The following MARK3 variants were observed in gnomAD, a reference collection of about 807,000 sequenced individuals.
The protein encoded by MARK3 is MAP/microtubule affinity-regulating kinase 3.
In MARK3, 46 loss-of-function variants were observed where a neutral mutation model predicts 90.1. That is an observed-to-expected ratio of 0.51 (90% confidence interval 0.40 to 0.65). The LOEUF (loss-of-function observed/expected upper bound fraction) is 0.65. MARK3 is among the 30% of genes least tolerant of loss of function. MARK3 has a pLI of 0.00. For synonymous variants in MARK3, 321 were observed against 332.6 expected (o/e 0.97, Z 0.38); for missense variants, 818 against 947.2 (o/e 0.86, Z 1.79).
At chr14:103,405,434 T>C (rs1247183521) in intron 2 of MARK3, among the ~76,000 whole-genome samples, 167 bp downstream of exon 2, 2 of 152,120 alleles carry the variant, frequency 1.3e-5, no homozygotes, top group Non-Finnish European at 2.9e-5. Flanking sequence ...CACTGCAAAC[T>C]CTGCCTCCCG....
chr14:103,424,538 CAAAA>C (rs1195082997), intron 2 of MARK3, among the ~76,000 whole-genome samples: 7 of 11,310 alleles, frequency 6.2e-4, no homozygotes, highest in Non-Finnish European at 2.0e-3. Context: ...AAAAAAAAAA[CAAAA>C]AAAAGAATCT....
Position 103,485,328 on chromosome 14 carries a change from C to T in MARK3, c.1586+4838C>T, listed in dbSNP as rs145875438. 1.2e-4 allele frequency among the ~76,000 whole-genome samples: 17 copies of T among 141,912 alleles called. No individual in the cohort carries two copies. In the East Asian group the frequency reaches 3.3e-3, roughly 28 times the overall value. 93.1% of individuals were successfully genotyped at this position (141,912 alleles called of 152,430 possible). ...CCCAGGCTGCAGTACAGTGGCTAGT[C>T]ACAGACATGATCATAGTGTACTGTA... On this transcript the variant is annotated intron_variant, in intron 14 of 17. Coordinates refer to ENST00000429436, the MANE Select transcript of MARK3 (RefSeq NM_001128918.3).
intron 1 of MARK3, among the ~76,000 whole-genome samples, chr14:103,403,532 G>C (rs7144010): frequency 5.3e-5 from 8 of 151,766 alleles, no homozygotes; most frequent in African/African-American, 1.9e-4. Context: ...ACCAACTGCT[G>C]TTCTAAGATA....
At chr14:103,498,609 G>T in intron 16 of MARK3, 81 bp downstream of exon 16, 2 of 1,257,322 alleles carry the variant, frequency 1.6e-6, no homozygotes, top group Non-Finnish European at 1.0e-6. Flanking sequence ...TTGGCTTTCT[G>T]GCCCTGTTTT....
At chr14:103,492,794 A>C (rs1384591222) in intron 15 of MARK3, among the ~76,000 whole-genome samples, 1 of 152,200 alleles carries the variant, frequency 6.6e-6, no homozygotes, top group Non-Finnish European at 1.5e-5. Context: ...AAGCCCAGAA[A>C]TACTGGCTGC....
chr14:103,424,678 T>C (rs969167307), intron 2 of MARK3, among the ~76,000 whole-genome samples: 1 of 152,056 alleles, frequency 6.6e-6, no homozygotes, highest in Admixed American at 6.6e-5. Flanking sequence ...GCATCTTTGA[T>C]GGATTTGGCC....
intron 3 of MARK3, among the ~76,000 whole-genome samples, chr14:103,447,406 G>A (rs956296423): frequency 6.6e-6 from 1 of 152,198 alleles, no homozygotes; most frequent in East Asian, 1.9e-4. Context: ...TATGGTGAGA[G>A]TCCTGTGATT....
chr14:103,392,090 CTTA>C (rs555327623), intron 1 of MARK3, among the ~76,000 whole-genome samples: 3 of 152,136 alleles, frequency 2.0e-5, no homozygotes, highest in Non-Finnish European at 4.4e-5. Flanking sequence ...GCATCATGTA[CTTA>C]TTATTAGTTA....
At chr14:103,459,679 T>A (rs577120542) in intron 6 of MARK3, among the ~76,000 whole-genome samples, 43 of 151,228 alleles carry the variant, frequency 2.8e-4, no homozygotes, top group Non-Finnish European at 3.8e-4. Flanking sequence ...TTTTATTTTT[T>A]TTTTTGTAAT....
intron 1 of MARK3, among the ~76,000 whole-genome samples, chr14:103,389,345 C>G (rs911195824): frequency 1.4e-5 from 2 of 146,904 alleles, no homozygotes; most frequent in Non-Finnish European, 3.0e-5. Context: ...GCCTGGGCGA[C>G]AGAGCCAGAC....
At chr14:103,413,597 T>A (rs541556093) in intron 2 of MARK3, among the ~76,000 whole-genome samples, 64 of 147,552 alleles carry the variant, frequency 4.3e-4, no homozygotes, top group African/African-American at 1.5e-3. Context: ...TTATTTTATT[T>A]TATTTTATTT....
chr14:103,404,253 A>G, intron 1 of MARK3, among the ~76,000 whole-genome samples: 1 of 152,240 alleles, frequency 6.6e-6, no homozygotes, highest in Non-Finnish European at 1.5e-5. Context: ...GAAAGTTGGA[A>G]AAGAGAAACG....
In MARK3 at chr14:103,462,531, C is replaced by G. The variant is rs146650991; in HGVS notation, c.540+70C>G. On this transcript the variant is annotated intron_variant, in intron 7 of 17. Transcript: ENST00000429436. ...TGCAGTTCTCTCAGTGGTCATTACA[C>G]AAATGAGGTATAGATTAGCCTTATT... 5.2e-6 allele frequency: 6 copies of G among 1,164,028 alleles called. No homozygotes were observed. In the South Asian group the frequency reaches 8.6e-5, roughly 17 times the overall value. The allele number at this position is 1,164,028 out of a possible 1,614,324, so 72.1% of individuals were successfully genotyped here.
intron 2 of MARK3, among the ~76,000 whole-genome samples, chr14:103,419,810 A>G (rs1249669340): frequency 1.3e-5 from 2 of 152,198 alleles, no homozygotes; most frequent in East Asian, 3.8e-4. Flanking sequence ...ATTTGCTTCA[A>G]TTAAAAATTA....
At chr14:103,452,093 G>C (rs1053860486) in intron 5 of MARK3, 110 bp downstream of exon 5, 103 of 669,120 alleles carry the variant, frequency 1.5e-4, no homozygotes, top group Non-Finnish European at 2.3e-4. Flanking sequence ...AACGTCCAGA[G>C]CCATAATACG....
At chr14:103,475,796 T>G (rs2093704079) in intron 13 of MARK3, among the ~76,000 whole-genome samples, 1 of 151,984 alleles carries the variant, frequency 6.6e-6, no homozygotes, top group South Asian at 2.1e-4. Flanking sequence ...AATACAAAAA[T>G]TAGCTGGGCG....
intron 12 of MARK3, among the ~76,000 whole-genome samples, chr14:103,470,453 C>CAATTTTTTTTTTTTTTTTTTTTTTTT (rs1299534465): frequency 1.3e-3 from 31 of 24,178 alleles, no homozygotes; most frequent in Non-Finnish European, 2.2e-3. Context: ...GGAACTAAAT[C>CAATTTTTTTTTTTTTTTTTTTTTTTT]TATTTTTTTT....
At chr14:103,455,510 T>TGAGGCCAGGAGTTC (rs1450368786) in intron 5 of MARK3, among the ~76,000 whole-genome samples, 1 of 152,102 alleles carries the variant, frequency 6.6e-6, no homozygotes, top group Non-Finnish European at 1.5e-5. Flanking sequence ...GCAGATCACT[T>TGAGGCCAGGAGTTC]GAGGCCAGGA....
intron 2 of MARK3, among the ~76,000 whole-genome samples, chr14:103,413,595 TTTTATTTTATTTTATTTA>T (rs2091789138): frequency 1.4e-5 from 2 of 147,058 alleles, no homozygotes; most frequent in African/African-American, 5.0e-5. Flanking sequence ...GCTTATTTTA[TTTTATTTTATTTTATTTA>T]TTTATTTTAT....
Sources: gnomAD v4.1 joint callset for allele counts (sites outside exome capture counted in the v4.1 genomes callset) on GRCh38, gnomAD v4.1.1 for gene constraint, MANE v1.5 for transcripts, NCBI Gene and HGNC (gene_info 2026-07-23, HGNC 2026-07-21) for gene names.